PTGER2: variants seen among roughly 807,000 people sequenced by gnomAD.
The protein encoded by PTGER2 is prostaglandin E receptor 2.
PTGER2 carries 22 observed loss-of-function variants against 26.2 expected under a neutral mutation model. The observed-to-expected ratio is 0.84, with a 90% CI of 0.60 to 1.20. PTGER2 has a LOEUF of 1.20. Ranked by LOEUF, PTGER2 falls within the 50% of genes most tolerant of loss-of-function variation. The probability of loss-of-function intolerance (pLI) is 0.00; values close to 1 mark genes in which losing one functional copy is unlikely to be tolerated. For synonymous variants in PTGER2, 219 were observed against 208.9 expected (o/e 1.05, Z -0.42); for missense variants, 458 against 475.2 (o/e 0.96, Z 0.34).
At chr14:52,322,694 G>A (rs892148785) in intron 1 of PTGER2, among the ~76,000 whole-genome samples, 6 of 151,986 alleles carry the variant, frequency 3.9e-5, no homozygotes, top group African/African-American at 1.2e-4. Flanking sequence ...CTCCCAGAGC[G>A]GCCGTTTATA....
intron 1 of PTGER2, among the ~76,000 whole-genome samples, chr14:52,323,435 G>A (rs2033918267): frequency 1.3e-5 from 2 of 152,068 alleles, no homozygotes; most frequent in Admixed American, 1.3e-4. Context: ...GTATTTTTTA[G>A]TAGAGATGTA....
At chr14:52,327,189 C>G (rs1194781784) in intron 1 of PTGER2, 32 bp from the exon 2 acceptor site, 2 of 1,464,352 alleles carry the variant, frequency 1.4e-6, no homozygotes, top group Non-Finnish European at 1.9e-6. Context: ...CGATGTAAAA[C>G]TAACATCATT....
rs199599262 is a variant in PTGER2, at chr14:52,327,466, T to G, written c.*12T>G. 7.6e-5 allele frequency: 117 copies of G among 1,546,842 alleles called. 1 individual carries two copies. The African/African-American group carries it at 1.3e-3, about 17-fold the overall frequency. On this transcript the variant is annotated 3_prime_UTR_variant, in exon 2 of 2. Transcript: ENST00000245457. ...AGGCTGACCTTTGAGGTCAGTAGTT[T>G]AAAAGTTCTTAGTTATATAGCATCT...
At chr14:52,318,872 C>T (rs2033867624) in intron 1 of PTGER2, among the ~76,000 whole-genome samples, 1 of 152,186 alleles carries the variant, frequency 6.6e-6, no homozygotes, top group South Asian at 2.1e-4. Flanking sequence ...TCATTATTAT[C>T]GACCACAAAA....
At chr14:52,315,936 C>T (rs1049785603) in intron 1 of PTGER2, among the ~76,000 whole-genome samples, 3 of 152,322 alleles carry the variant, frequency 2.0e-5, no homozygotes. Flanking sequence ...GTCCCTGAAG[C>T]AGAAGTTTAG....
chr14:52,321,090 C>T (rs2033889903), intron 1 of PTGER2, among the ~76,000 whole-genome samples: 1 of 151,988 alleles, frequency 6.6e-6, no homozygotes, highest in African/African-American at 2.4e-5. Context: ...TTTTTGTTTC[C>T]AGTTCTGAGA....
chr14:52,314,516 A>C lies in PTGER2; in HGVS notation c.-33A>C. The C allele has an allele frequency of 1.4e-6, 2 of 1,454,964 alleles. No individual in the cohort carries two copies. The highest frequency in any genetic ancestry group is 1.4e-5 in the African/African-American group (1 of 69,980). The allele number at this position is 1,454,964 out of a possible 1,614,324, so 90.1% of individuals were successfully genotyped here. On this transcript the variant is annotated 5_prime_UTR_variant, in exon 1 of 2. Coordinates refer to ENST00000245457, the MANE Select transcript of PTGER2 (RefSeq NM_000956.4). This position sits in a 1 kb window ranked among gnomAD's most constrained non-coding sequence, Gnocchi z 5.7. ...CTTCCTCCCAGGTAAAGGCCGGGAG[A>C]GGAGGGCGCATCTCTTTTCCAGGCA...
intron 1 of PTGER2, among the ~76,000 whole-genome samples, chr14:52,322,550 G>C (rs1211318482): frequency 6.6e-6 from 1 of 152,118 alleles, no homozygotes; most frequent in Non-Finnish European, 1.5e-5. Context: ...ACAGAAAACA[G>C]GGTTCGAGAG....
intron 1 of PTGER2, among the ~76,000 whole-genome samples, chr14:52,325,560 T>C (rs866519811): frequency 9.9e-5 from 15 of 152,246 alleles, no homozygotes; most frequent in African/African-American, 3.1e-4. Context: ...TGTAGACCTA[T>C]GTGCATCATT....
Position 52,315,217 on chromosome 14 carries a change from C to T in PTGER2, c.669C>T (p.Ile223=), listed in dbSNP as rs750175078. 16 of 1,611,262 alleles carry T rather than the reference C, an allele frequency of 9.9e-6. No individual in the cohort carries two copies. In the South Asian group the frequency reaches 1.5e-4, roughly 15 times the overall value. Reference sequence around the variant, plus strand: ...ACTTCAGTGTCATTCTCAACCTCATCCGCATGCACCGCCGAAGCCGGAGAA... The same window carrying T: ...ACTTCAGTGTCATTCTCAACCTCATTCGCATGCACCGCCGAAGCCGGAGAA... ...ACNFSVILNL[I]RMHRRSRRSR... The change falls in exon 1 of 2, where the codon ATC becomes ATT. Residue 223 remains isoleucine, a synonymous_variant. Coordinates refer to ENST00000245457, the MANE Select transcript of PTGER2 (RefSeq NM_000956.4).
At position 52,315,222 on chromosome 14, in the gene PTGER2, T is replaced by C; in HGVS notation, c.674T>C (p.Met225Thr). Reference sequence around the variant, plus strand: ...AGTGTCATTCTCAACCTCATCCGCATGCACCGCCGAAGCCGGAGAAGCCGC... The same window carrying C: ...AGTGTCATTCTCAACCTCATCCGCACGCACCGCCGAAGCCGGAGAAGCCGC... ...NFSVILNLIR[M>T]HRRSRRSRCG... Residue 225 changes from methionine to threonine, a missense_variant, in exon 1 of 2, where the codon ATG becomes ACG. Transcript: ENST00000245457. 1.2e-6 allele frequency: 2 copies of C among 1,611,548 alleles called. No homozygotes were observed. The highest frequency in any genetic ancestry group is 1.7e-6 in the Non-Finnish European group (2 of 1,179,918).
chr14:52,321,262 GT>G (rs11378098), intron 1 of PTGER2, among the ~76,000 whole-genome samples: 2 of 150,982 alleles, frequency 1.3e-5, no homozygotes, highest in South Asian at 4.2e-4. Context: ...CCCCCAAAAT[GT>G]TTTTTTTTAA....
rs553003795 is a variant in PTGER2, at chr14:52,327,012, A to C, written c.844-209A>C. The stretch of plus-strand genomic sequence containing the variant: ...TGCATTCCACAGAAAACATGCTTTC[A>C]TTGAGTTCAAGGGGAAAAAATACAT... On this transcript the variant is annotated intron_variant, in intron 1 of 1. Coordinates refer to ENST00000245457, the MANE Select transcript of PTGER2 (RefSeq NM_000956.4). Among the ~76,000 whole-genome samples, 3 of 152,294 alleles carry C rather than the reference A, an allele frequency of 2.0e-5. No individual in the cohort carries two copies. In the East Asian group the frequency reaches 5.8e-4, roughly 29 times the overall value.
At chr14:52,317,413 C>A (rs1410445542) in intron 1 of PTGER2, among the ~76,000 whole-genome samples, 1 of 152,152 alleles carries the variant, frequency 6.6e-6, no homozygotes, top group African/African-American at 2.4e-5. Flanking sequence ...GTAAATTGGC[C>A]TTTTACCATG....
Position 52,318,920 on chromosome 14 carries a change from A to G in PTGER2, c.843+3529A>G, listed in dbSNP as rs35346192. On this transcript the variant is annotated intron_variant, in intron 1 of 1. Coordinates refer to ENST00000245457, the MANE Select transcript of PTGER2 (RefSeq NM_000956.4). ...ATGCTAACTTTTGCATTAACCCATT[A>G]TCTTCACAGCACCGTAGGAAATAGT... Among the ~76,000 whole-genome samples, 9 of 152,202 alleles carry G rather than the reference A, an allele frequency of 5.9e-5. No individual in the cohort carries two copies. In the East Asian group the frequency reaches 1.7e-3, roughly 29 times the overall value.
In PTGER2 at chr14:52,315,299, G is replaced by A. The variant is rs1337144622; in HGVS notation, c.751G>A (p.Gly251Arg). 5.0e-6 allele frequency: 8 copies of A among 1,613,162 alleles called. No homozygotes were observed. The highest frequency in any genetic ancestry group is 6.8e-6 in the Non-Finnish European group (8 of 1,179,832). The change falls in exon 1 of 2, where the codon GGG (glycine) becomes AGG (arginine). Residue 251 changes from glycine (G) to arginine (R), a missense_variant. Gly to Arg is a moderately radical substitution (Grantham distance 125, BLOSUM62 -2). Coordinates refer to ENST00000245457, the MANE Select transcript of PTGER2 (RefSeq NM_000956.4). ...GRGGPGARRR[G>R]ERVSMAEETD... ...GGGCGGCCCCGGGGCCCGCAGGAGA[G>A]GGGAAAGGGTGTCCATGGCGGAGGA...
At position 52,315,109 on chromosome 14, in the gene PTGER2, C is replaced by T. The variant is rs753663501; in HGVS notation, c.561C>T (p.Cys187=). The T allele has an allele frequency of 4.3e-6, 7 of 1,610,612 alleles. No homozygotes were observed. In the South Asian group the frequency reaches 7.7e-5, roughly 18 times the overall value. The change falls in exon 1 of 2, where the codon TGC becomes TGT. Residue 187 remains cysteine (C), a synonymous_variant. Coordinates refer to ENST00000245457, the MANE Select transcript of PTGER2 (RefSeq NM_000956.4). ...TCCAGTACTGCCCCGGGACCTGGTG[C>T]TTCATCCGGCACGGGCGGACCGCTT... is the stretch of plus-strand genomic sequence containing the variant. ...QYVQYCPGTW[C]FIRHGRTAYL... is the part of the protein sequence containing the mutation.
chr14:52,317,791 A>G (rs1389311839), intron 1 of PTGER2, among the ~76,000 whole-genome samples: 2 of 152,228 alleles, frequency 1.3e-5, no homozygotes, highest in African/African-American at 4.8e-5. Context: ...TCAGAAAGCC[A>G]GCCTCCCTGA....
chr14:52,315,357 C>CCATCA lies in PTGER2; in HGVS notation c.811_815dup (p.Phe273SerfsTer16), dbSNP rs777674810. 2 of 1,613,414 alleles carry CCATCA rather than the reference C, an allele frequency of 1.2e-6. No homozygotes were observed. Among genetic ancestry groups the CCATCA allele is most frequent in the Admixed American group, 3.3e-5 (2 of 60,002 alleles). On this transcript the variant is annotated frameshift_variant, in exon 1 of 2. Transcript: ENST00000245457. LOFTEE classifies it high-confidence loss of function. ...CACCTCATTCTCCTGGCTATCATGA[C>CCATCA]CATCACCTTCGCCGTCTGCTCCTTG...
Sources: allele counts gnomAD v4.1 joint callset (sites outside exome capture counted in the v4.1 genomes callset), GRCh38; gene constraint gnomAD v4.1.1; non-coding constraint Gnocchi (gnomAD v3.1); transcripts MANE v1.5; gene names NCBI Gene and HGNC (gene_info 2026-07-23, HGNC 2026-07-21).